Variants in ZNF98 observed in about 807,000 individuals in gnomAD.
ZNF98 encodes zinc finger protein 739.
A neutral mutation model predicts 12.8 loss-of-function variants in ZNF98; 8 were observed. The ratio of observed to expected loss-of-function variants is 0.63; its 90% CI spans 0.37 to 1.13. The LOEUF is 1.13. ZNF98 is among the 50% of genes most tolerant of loss of function. The pLI, the probability that ZNF98 is intolerant of heterozygous loss-of-function variation, is 0.01. For synonymous variants in ZNF98, 112 were observed against 223.5 expected, an observed-to-expected ratio of 0.50 and a Z score of 4.45; for missense variants, 379 against 666.1, an observed-to-expected ratio of 0.57 and a Z score of 4.74.
chr19:22,404,438 G>A lies in ZNF98; in HGVS notation c.31-926C>T, dbSNP rs183647083. On this transcript the variant is annotated intron_variant, in intron 1 of 3. Coordinates refer to ENST00000357774, the MANE Select transcript of ZNF98 (RefSeq NM_001098626.2). The stretch of plus-strand genomic sequence containing the variant: ...ATAAATGCAAAGAAAACCTAAGAAA[G>A]GTCAGCTGCCAGATTAAATGTGATT... Among the ~76,000 whole-genome samples, 604 of 152,284 alleles carry A rather than the reference G, an allele frequency of 4.0e-3. 1 individual carries two copies. The highest frequency in any genetic ancestry group is 6.0e-3 in the Non-Finnish European group (406 of 68,020).
At chr19:22,397,399 G>C (rs1184594229) in intron 3 of ZNF98, among the ~76,000 whole-genome samples, 1 of 152,042 alleles carries the variant, frequency 6.6e-6, no homozygotes, top group African/African-American at 2.4e-5. Context: ...GGCAGTGTAA[G>C]ACAATTATTT....
intron 1 of ZNF98, among the ~76,000 whole-genome samples, 190 bp from the exon 2 acceptor site, chr19:22,403,702 G>T (rs1375832837): frequency 1.3e-5 from 2 of 152,208 alleles, no homozygotes; most frequent in Non-Finnish European, 2.9e-5. Context: ...AAAGAGAGTG[G>T]CATAAGATCC....
chr19:22,420,080 T>C (rs1360508601), intron 1 of ZNF98, among the ~76,000 whole-genome samples: 3 of 152,048 alleles, frequency 2.0e-5, no homozygotes, highest in Admixed American at 2.0e-4. Context: ...AGAGAATCAC[T>C]TGAACGTGGG....
In ZNF98 at chr19:22,402,856, G is replaced by A; in HGVS notation, c.186C>T (p.Ile62=). The part of the protein sequence containing the change: ...VGIAASKPDL[I]TCLEQGKEPW... The stretch of plus-strand genomic sequence containing the variant: ...GTTCTTTTCCTTGCTCCAGACAGGT[G>A]ATCAGGTCTGGCTTAGAGGCAGCAA... The change falls in exon 3 of 4, where the codon ATC becomes ATT. Residue 62 remains isoleucine, a synonymous_variant. Transcript: ENST00000357774. The A allele has an allele frequency of 3.1e-6, 5 of 1,589,386 alleles. No homozygotes were observed. The highest frequency in any genetic ancestry group is 4.3e-6 in the Non-Finnish European group (5 of 1,173,696).
chr19:22,399,074 C>A (rs886260297), intron 3 of ZNF98, among the ~76,000 whole-genome samples: 1 of 152,068 alleles, frequency 6.6e-6, no homozygotes, highest in Non-Finnish European at 1.5e-5. Context: ...AACCAAAAAA[C>A]ACAATAAACT....
intron 3 of ZNF98, among the ~76,000 whole-genome samples, chr19:22,397,533 T>A (rs185953167): frequency 1.5e-4 from 23 of 151,990 alleles, no homozygotes; most frequent in Non-Finnish European, 2.9e-5. Flanking sequence ...TCTTACCAGT[T>A]TTTTTAAAAC....
At chr19:22,403,003 C>T in intron 2 of ZNF98, 119 bp from the exon 3 acceptor site, 1 of 858,288 alleles carries the variant, frequency 1.2e-6, no homozygotes, top group East Asian at 3.2e-5. Context: ...AATACTAATA[C>T]ACAACAAAAA....
chr19:22,410,364 T>C (rs1260872806), intron 1 of ZNF98, among the ~76,000 whole-genome samples: 2 of 152,160 alleles, frequency 1.3e-5, no homozygotes, highest in African/African-American at 2.4e-5. Flanking sequence ...TGCCCATCAA[T>C]GACAGACTTG....
chr19:22,409,470 C>T (rs1213621431), intron 1 of ZNF98, among the ~76,000 whole-genome samples: 1 of 152,064 alleles, frequency 6.6e-6, no homozygotes, highest in Non-Finnish European at 1.5e-5. Flanking sequence ...AGATTCTACA[C>T]AGAAAAAGAA....
chr19:22,406,602 G>A (rs1426459505), intron 1 of ZNF98, among the ~76,000 whole-genome samples: 1 of 152,086 alleles, frequency 6.6e-6, no homozygotes, highest in Non-Finnish European at 1.5e-5. Flanking sequence ...CAGATCATGA[G>A]GTCAAGAAAT....
At chr19:22,403,949 G>A (rs1385759214) in intron 1 of ZNF98, among the ~76,000 whole-genome samples, 1 of 152,226 alleles carries the variant, frequency 6.6e-6, no homozygotes, top group African/African-American at 2.4e-5. Flanking sequence ...GGCTGGGAGC[G>A]ATGGCTCACG....
chr19:22,406,691 C>T (rs1413003929), intron 1 of ZNF98, among the ~76,000 whole-genome samples: 1 of 151,962 alleles, frequency 6.6e-6, no homozygotes, highest in Non-Finnish European at 1.5e-5. Context: ...GTAGTCCGCA[C>T]CTGTAGTCCC....
At chr19:22,405,062 A>C (rs1254274702) in intron 1 of ZNF98, among the ~76,000 whole-genome samples, 1 of 152,144 alleles carries the variant, frequency 6.6e-6, no homozygotes, top group Non-Finnish European at 1.5e-5. Flanking sequence ...ACGTGTAAGA[A>C]GCCATGATGT....
rs1460066831 is a variant in ZNF98 at position 22,399,962 on chromosome 19, T to C, written c.253+2827A>G. Among the ~76,000 whole-genome samples, 6 of 152,282 alleles carry C rather than the reference T, an allele frequency of 3.9e-5. 1 individual carries two copies. Among genetic ancestry groups the C allele is most frequent in the South Asian group, 4.1e-4 (2 of 4,824 alleles). ...TGCCCTTAAAGAGCTTTGAGATCTA[T>C]GGAGGGAGTTGTGAAACTCTGCTAA... On this transcript the variant is annotated intron_variant, in intron 3 of 3. Coordinates refer to ENST00000357774, the MANE Select transcript of ZNF98 (RefSeq NM_001098626.2).
In ZNF98 at chr19:22,402,859, C is replaced by G; in HGVS notation, c.183G>C (p.Leu61=). The G allele has an allele frequency of 6.3e-7, 1 of 1,589,504 alleles. No individual in the cohort carries two copies. The highest frequency in any genetic ancestry group is 8.5e-7 in the Non-Finnish European group (1 of 1,173,742). The part of the protein sequence containing the change: ...FVGIAASKPD[L]ITCLEQGKEP... ...CTTTTCCTTGCTCCAGACAGGTGAT[C>G]AGGTCTGGCTTAGAGGCAGCAATAC... The change falls in exon 3 of 4, where the codon CTG becomes CTC. Residue 61 remains leucine, a synonymous_variant. Transcript: ENST00000357774.
At chr19:22,417,863 G>C (rs973582276) in intron 1 of ZNF98, among the ~76,000 whole-genome samples, 2 of 152,246 alleles carry the variant, frequency 1.3e-5, no homozygotes, top group East Asian at 3.9e-4. Context: ...TGTGGGAAAA[G>C]GGGGTCTGCT....
intron 1 of ZNF98, among the ~76,000 whole-genome samples, chr19:22,418,991 G>C (rs1396086463): frequency 6.6e-6 from 1 of 152,162 alleles, no homozygotes; most frequent in Non-Finnish European, 1.5e-5. Flanking sequence ...CACTCAATCT[G>C]AGTCGAAATA....
At chr19:22,397,522 G>C (rs1048337743) in intron 3 of ZNF98, among the ~76,000 whole-genome samples, 4 of 151,400 alleles carry the variant, frequency 2.6e-5, no homozygotes, top group African/African-American at 9.7e-5. Flanking sequence ...AGAAAATTAA[G>C]TCTTACCAGT....
Position 22,404,889 on chromosome 19 carries a change from G to C in ZNF98, c.31-1377C>G, listed in dbSNP as rs117983254. On this transcript the variant is annotated intron_variant, in intron 1 of 3. Transcript: ENST00000357774. Reference sequence around the variant, plus strand: ...TCCTGTTCTGCATAGAGTTAATGGAGAACAGAGATAGAACCTCAACATTAC... The same window carrying C: ...TCCTGTTCTGCATAGAGTTAATGGACAACAGAGATAGAACCTCAACATTAC... Among the ~76,000 whole-genome samples the C allele has an allele frequency of 3.8e-4, 58 of 152,124 alleles. No individual in the cohort carries two copies. In the East Asian group the frequency reaches 0.011, roughly 28 times the overall value.
Sources: allele counts gnomAD v4.1 joint callset (sites outside exome capture counted in the v4.1 genomes callset), GRCh38; gene constraint gnomAD v4.1.1; transcripts MANE v1.5; gene names NCBI Gene and HGNC (gene_info 2026-07-23, HGNC 2026-07-21).